KLHL4: variants seen among roughly 807,000 people sequenced by gnomAD.
KLHL4 encodes kelch-like protein 4.
KLHL4 carries 17 observed loss-of-function variants against 45.8 expected under a neutral mutation model. That is an observed-to-expected ratio of 0.37 (90% CI 0.25 to 0.56). The LOEUF is 0.56. KLHL4 is among the 20% of genes least tolerant of loss of function. KLHL4 has a pLI of 0.79. For missense variants in KLHL4, 544 were observed against 544.9 expected (o/e 1.00, Z 0.02); for synonymous variants, 224 against 189.9 (o/e 1.18, Z -1.47).
chrX:87,546,318 C>A (rs1297182663), intron 1 of KLHL4, among the ~76,000 whole-genome samples: 1 of 111,612 alleles, frequency 9.0e-6, no homozygotes, highest in Non-Finnish European at 1.9e-5. Context: ...GTAAAAGGGG[C>A]CAATGTACAG....
chrX:87,551,608 T>TAGATAGATAGATAGATAGATAGAAAGAA (rs761675267), intron 1 of KLHL4, among the ~76,000 whole-genome samples: 4 of 107,112 alleles, frequency 3.7e-5, no homozygotes, highest in Admixed American at 1.0e-4. Context: ...GATAGATAGA[T>TAGATAGATAGATAGATAGATAGAAAGAA]AGAAATAGAA....
chrX:87,532,341 G>A (rs1351016028), intron 1 of KLHL4, among the ~76,000 whole-genome samples: 1 of 110,768 alleles, frequency 9.0e-6, no homozygotes, highest in Non-Finnish European at 1.9e-5. Context: ...CTGTAACCTT[G>A]TAGTGTAGTT....
At chrX:87,644,315 A>T (rs1602461229) in intron 9 of KLHL4, among the ~76,000 whole-genome samples, 1 of 111,518 alleles carries the variant, frequency 9.0e-6, no homozygotes. Flanking sequence ...CTGCAAAAAA[A>T]TAAAATAAAA....
Position 87,635,840 on chromosome X carries a change from G to T in KLHL4, c.1925+65G>T, listed in dbSNP as rs750002029. On this transcript the variant is annotated intron_variant, in intron 9 of 10. Transcript: ENST00000373119. The stretch of plus-strand genomic sequence containing the variant: ...TTATTTAATTTTTTAGAAATAGAAA[G>T]ATTTTTTTTCTTTTAAATGGAAATC... The T allele has an allele frequency of 1.2e-4, 101 of 851,114 alleles. No individual in the cohort carries two copies. In the African/African-American group the frequency reaches 1.8e-3, roughly 15 times the overall value. 70.1% of individuals were successfully genotyped at this position (851,114 alleles called of 1,213,427 possible).
intron 1 of KLHL4, among the ~76,000 whole-genome samples, chrX:87,611,394 A>C (rs1280105237): frequency 1.8e-5 from 2 of 111,016 alleles, no homozygotes. Context: ...GTTCAAGTAC[A>C]GTTATGAACT....
At chrX:87,595,134 A>T (rs1182189157) in intron 1 of KLHL4, among the ~76,000 whole-genome samples, 4 of 109,522 alleles carry the variant, frequency 3.7e-5, no homozygotes, top group Non-Finnish European at 7.6e-5. Context: ...CTCGTCATTT[A>T]CCATTAGGTA....
At chrX:87,529,877 A>T (rs769657841) in intron 1 of KLHL4, among the ~76,000 whole-genome samples, 15 of 112,197 alleles carry the variant, frequency 1.3e-4, no homozygotes, top group African/African-American at 4.8e-4. Context: ...AGGTCAATAT[A>T]ATTTAAATGC....
intron 1 of KLHL4, among the ~76,000 whole-genome samples, chrX:87,527,157 A>G (rs191576839): frequency 1.2e-3 from 132 of 112,162 alleles, no homozygotes; most frequent in African/African-American, 4.2e-3. Context: ...AGTTAGAAAC[A>G]CCTCACTTTT....
chrX:87,663,426 A>C (rs1329137538), intron 9 of KLHL4, among the ~76,000 whole-genome samples: 1 of 112,418 alleles, frequency 8.9e-6, no homozygotes, highest in Admixed American at 9.5e-5. Flanking sequence ...TTTTCTTCAA[A>C]AGAGTCAACA....
chrX:87,551,473 A>C (rs113710589), intron 1 of KLHL4, among the ~76,000 whole-genome samples: 195 of 111,445 alleles, frequency 1.7e-3, no homozygotes, highest in African/African-American at 6.2e-3. Context: ...TACTACCATC[A>C]TTCTTTACAG....
chrX:87,637,671 A>T (rs188384549), intron 9 of KLHL4, among the ~76,000 whole-genome samples: 5 of 112,489 alleles, frequency 4.4e-5, no homozygotes, highest in Admixed American at 1.9e-4. Flanking sequence ...GTCACAGGCT[A>T]GGCATGGTGG....
intron 3 of KLHL4, among the ~76,000 whole-genome samples, chrX:87,617,575 T>G (rs1003229566): frequency 7.1e-5 from 8 of 112,047 alleles, no homozygotes; most frequent in Non-Finnish European, 7.5e-5. Flanking sequence ...AAATTGTATG[T>G]GTTTAAGGTG....
At position 87,667,924 on chromosome X, in the gene KLHL4, T is replaced by G; in HGVS notation, c.*1390T>G. 1.4e-6 allele frequency: 1 copy of G among 690,320 alleles called. No individual in the cohort carries two copies. Among genetic ancestry groups the G allele is most frequent in the Non-Finnish European group, 1.7e-6 (1 of 580,805 alleles). 56.9% of individuals were successfully genotyped at this position (690,320 alleles called of 1,213,427 possible). A position where few individuals can be genotyped will look rare whatever the true frequency, so the allele number is the denominator to read the frequency against. On this transcript the variant is annotated 3_prime_UTR_variant, in exon 11 of 11. Coordinates refer to ENST00000373119, the MANE Select transcript of KLHL4 (RefSeq NM_019117.5). ...ACAAACTGAATTTAAATAAACTTTA[T>G]TTCCTCTCACTATAGTGTGGCTTTA...
At chrX:87,628,084 G>A (rs961639520) in intron 6 of KLHL4, among the ~76,000 whole-genome samples, 12 of 111,477 alleles carry the variant, frequency 1.1e-4, no homozygotes, top group Admixed American at 7.7e-4. Context: ...AAAGGCTCAC[G>A]GGACGTTGCA....
intron 1 of KLHL4, among the ~76,000 whole-genome samples, chrX:87,548,035 A>T (rs1237419875): frequency 9.0e-6 from 1 of 111,170 alleles, no homozygotes; most frequent in Non-Finnish European, 1.9e-5. Context: ...AGCATATATA[A>T]CACAAATAAG....
intron 1 of KLHL4, among the ~76,000 whole-genome samples, chrX:87,538,883 G>T (rs1233434766): frequency 1.8e-5 from 2 of 111,376 alleles, no homozygotes; most frequent in African/African-American, 6.5e-5. Context: ...TGCTTCTCTT[G>T]CTGGACATTG....
intron 1 of KLHL4, among the ~76,000 whole-genome samples, chrX:87,526,093 G>C (rs1191756389): frequency 8.9e-6 from 1 of 111,910 alleles, no homozygotes; most frequent in Non-Finnish European, 1.9e-5. Context: ...CCCTTTTCCT[G>C]TAAAACTAGA....
At chrX:87,654,660 T>C (rs1923929362) in intron 9 of KLHL4, among the ~76,000 whole-genome samples, 1 of 112,008 alleles carries the variant, frequency 8.9e-6, no homozygotes, top group Non-Finnish European at 1.9e-5. Flanking sequence ...GGTAGATACG[T>C]AGTAGTGGGA....
Position 87,666,624 on chromosome X carries a change from C to T in KLHL4, c.*90C>T. On this transcript the variant is annotated 3_prime_UTR_variant, in exon 11 of 11. Transcript: ENST00000373119. ...GAGAAAGAAATACATGTTCTTTTTC[C>T]TGCAATTAATAATCAGACTGGAAAA... is the stretch of plus-strand genomic sequence containing the variant. 4 of 1,019,576 alleles carry T rather than the reference C, an allele frequency of 3.9e-6. No individual in the cohort carries two copies. The highest frequency in any genetic ancestry group is 5.1e-6 in the Non-Finnish European group (4 of 791,898). 84.0% of individuals were successfully genotyped at this position (1,019,576 alleles called of 1,213,427 possible). A position where few individuals can be genotyped will look rare whatever the true frequency, so the allele number is the denominator to read the frequency against.
Sources: allele counts gnomAD v4.1 joint callset (sites outside exome capture counted in the v4.1 genomes callset), GRCh38; gene constraint gnomAD v4.1.1; transcripts MANE v1.5; gene names NCBI Gene and HGNC (gene_info 2026-07-23, HGNC 2026-07-21).